Variants in TCP11L2 observed in about 807,000 individuals in gnomAD.
TCP11L2 encodes the protein t-complex 11 like 2, also known as T-complex protein 11-like protein 2.
Under a neutral mutation model 50.7 loss-of-function variants are expected in TCP11L2, and 39 were observed. That is an observed-to-expected ratio of 0.77 (90% CI 0.60 to 1.01). TCP11L2 has a LOEUF of 1.01. Ranked by LOEUF, TCP11L2 falls within the 50% of genes least tolerant of loss-of-function variation. The pLI is 0.00. For missense variants in TCP11L2, 612 were observed against 614.7 expected (o/e 1.00, Z 0.05); for synonymous variants, 192 against 219.3 (o/e 0.88, Z 1.10).
chr12:106,335,473 T>C (rs1037953393), intron 6 of TCP11L2, among the ~76,000 whole-genome samples, 166 bp from the exon 7 acceptor site: 4 of 152,222 alleles, frequency 2.6e-5, no homozygotes, highest in African/African-American at 9.6e-5. Flanking sequence ...CTGTTATAAT[T>C]GTTAGTTTAC....
upstream of TCP11L2, among the ~76,000 whole-genome samples, chr12:106,300,032 A>AG (rs1462216346): frequency 2.0e-5 from 3 of 152,122 alleles, no homozygotes; most frequent in Non-Finnish European, 2.9e-5. Context: ...ATTTACAGGG[A>AG]GAAAAAAAAA....
At chr12:106,341,540 T>A (rs2036094947) in intron 9 of TCP11L2, among the ~76,000 whole-genome samples, 2 of 152,350 alleles carry the variant, frequency 1.3e-5, no homozygotes, top group Non-Finnish European at 2.9e-5. Flanking sequence ...GACAAGAATC[T>A]AAACTTCTAA....
At chr12:106,320,813 T>C (rs1420802905) in intron 4 of TCP11L2, among the ~76,000 whole-genome samples, 10 of 152,250 alleles carry the variant, frequency 6.6e-5, no homozygotes, top group Non-Finnish European at 1.5e-4. Flanking sequence ...AAGTGCTCAG[T>C]GAGCCTGCCA....
chr12:106,314,576 T>TGAGAGA (rs71072670), intron 3 of TCP11L2, 83 bp downstream of exon 3: 8 of 282,664 alleles, frequency 2.8e-5, no homozygotes, highest in African/African-American at 2.4e-4. Flanking sequence ...TGTGTGTGTG[T>TGAGAGA]GAGAGAGAGA....
upstream of TCP11L2, among the ~76,000 whole-genome samples, chr12:106,302,558 G>A (rs1015928525): frequency 6.6e-6 from 1 of 151,538 alleles, no homozygotes; most frequent in Non-Finnish European, 1.5e-5. Flanking sequence ...CCGCGCGGGG[G>A]AACCGTGCCC....
At chr12:106,314,558 TGTGTGTGTGTGTGTGTGTGAGA>T in intron 3 of TCP11L2, 65 bp downstream of exon 3, 1 of 924,150 alleles carries the variant, frequency 1.1e-6, no homozygotes, top group South Asian at 1.6e-5. Context: ...TGTGTGTGTG[TGTGTGTGTGTGTGTGTGTGAGA>T]GAGAGAGAGA....
At chr12:106,317,345 G>A (rs1474166636) in intron 3 of TCP11L2, among the ~76,000 whole-genome samples, 1 of 152,134 alleles carries the variant, frequency 6.6e-6, no homozygotes, top group Non-Finnish European at 1.5e-5. Flanking sequence ...GTGAAACCCT[G>A]TCTCTACTAA....
intron 5 of TCP11L2, 39 bp downstream of exon 5, chr12:106,321,745 T>G: frequency 6.3e-7 from 1 of 1,575,868 alleles, no homozygotes; most frequent in Non-Finnish European, 8.7e-7. Flanking sequence ...AGAGTATCTT[T>G]GAGTTCATTC....
At chr12:106,326,044 G>A (rs899959221) in intron 6 of TCP11L2, 1 of 152,094 alleles carries the variant, frequency 6.6e-6, no homozygotes, top group African/African-American at 2.4e-5. Flanking sequence ...TACAGGCAAG[G>A]AAACTGAGAT....
chr12:106,331,934 T>C lies in TCP11L2; in HGVS notation c.773-3705T>C, dbSNP rs537984756. Among the ~76,000 whole-genome samples, 206 of 152,398 alleles carry C rather than the reference T, an allele frequency of 1.4e-3. 1 individual carries two copies. The highest frequency in any genetic ancestry group is 2.2e-3 in the Non-Finnish European group (149 of 68,036). On this transcript the variant is annotated intron_variant, in intron 6 of 9. Transcript: ENST00000299045. ...TCATTCTCTGTCTTGCTTTCTAAAC[T>C]GTTGCAGCAGTCTGTTGCTGATCAG...
At chr12:106,326,852 A>T (rs1407128786) in intron 6 of TCP11L2, among the ~76,000 whole-genome samples, 5 of 152,198 alleles carry the variant, frequency 3.3e-5, no homozygotes, top group Non-Finnish European at 7.3e-5. Flanking sequence ...ATCTAGTCAG[A>T]TAACTTTTAA....
In TCP11L2 at chr12:106,346,443, T is replaced by C; in HGVS notation, c.1473T>C (p.Tyr491=). Residue 491 remains tyrosine (Y), a synonymous_variant, in exon 10 of 10, where the codon TAT becomes TAC. Coordinates refer to ENST00000299045, the MANE Select transcript of TCP11L2 (RefSeq NM_152772.3). ...TTGTGAATCTCAACAAACAAGTGTATGGACCATTTTATGCAAATATACTTC... is the reference window on the plus strand; with the variant it reads ...TTGTGAATCTCAACAAACAAGTGTACGGACCATTTTATGCAAATATACTTC... The part of the protein sequence containing the change: ...ANIVNLNKQV[Y]GPFYANILRK... The C allele has an allele frequency of 6.2e-7, 1 of 1,614,170 alleles. No homozygotes were observed. The highest frequency in any genetic ancestry group is 8.5e-7 in the Non-Finnish European group (1 of 1,180,032).
chr12:106,318,907 T>A (rs1339803349), intron 4 of TCP11L2, among the ~76,000 whole-genome samples: 9 of 149,964 alleles, frequency 6.0e-5, no homozygotes, highest in South Asian at 2.1e-4. Flanking sequence ...TTTTTTTTTT[T>A]TTTTTTATTT....
intron 3 of TCP11L2, among the ~76,000 whole-genome samples, chr12:106,315,480 A>G (rs2136662334): frequency 6.6e-6 from 1 of 152,270 alleles, no homozygotes; most frequent in East Asian, 1.9e-4. Context: ...TGCACTATTT[A>G]TGGAGGAGCT....
intron 1 of TCP11L2, 103 bp from the exon 2 acceptor site, chr12:106,310,936 AAC>A (rs2034828386): frequency 1.9e-6 from 2 of 1,067,432 alleles, no homozygotes; most frequent in Non-Finnish European, 2.7e-6. Context: ...GGGCCTTTCC[AAC>A]ACAGTGACAC....
At chr12:106,313,345 C>T (rs1046529451) in intron 2 of TCP11L2, among the ~76,000 whole-genome samples, 1 of 152,100 alleles carries the variant, frequency 6.6e-6, no homozygotes, top group Admixed American at 6.5e-5. Flanking sequence ...AGCACTTTGG[C>T]CAAGGCAGGC....
rs11837980 is a variant in TCP11L2, at chr12:106,315,259, C to A, written c.293+766C>A. Among the ~76,000 whole-genome samples the A allele has an allele frequency of 6.9e-3, 1,048 of 151,744 alleles. 12 individuals are homozygous for A. Among genetic ancestry groups the A allele is most frequent in the African/African-American group, 0.024 (1,004 of 41,384 alleles). ...AAAAACAAAAACAAAAACAAACAAA[C>A]AAAAAAATTCCCCTAGGATACATAT... is the stretch of plus-strand genomic sequence containing the variant. On this transcript the variant is annotated intron_variant, in intron 3 of 9. Transcript: ENST00000299045.
chr12:106,338,455 G>A (rs1293189174), intron 8 of TCP11L2, among the ~76,000 whole-genome samples: 1 of 152,178 alleles, frequency 6.6e-6, no homozygotes, highest in Non-Finnish European at 1.5e-5. Flanking sequence ...TTAGGATAAT[G>A]GTCTCCAGTT....
intron 3 of TCP11L2, among the ~76,000 whole-genome samples, chr12:106,314,951 A>T (rs1290844925): frequency 6.6e-6 from 1 of 150,384 alleles, no homozygotes; most frequent in African/African-American, 2.5e-5. Context: ...GACTGCAGTG[A>T]GCTCTCATCA....
Sources: allele counts gnomAD v4.1 joint callset (sites outside exome capture counted in the v4.1 genomes callset), GRCh38; gene constraint gnomAD v4.1.1; transcripts MANE v1.5; gene names NCBI Gene and HGNC (gene_info 2026-07-23, HGNC 2026-07-21).